The following TPRG1 variants were observed in gnomAD, a reference collection of about 807,000 sequenced individuals.
TPRG1 encodes the protein tumor protein p63 regulated 1, also known as tumor protein p63-regulated gene 1 protein.
A neutral mutation model predicts 29.3 loss-of-function variants in TPRG1; 29 were observed. That is an observed-to-expected ratio of 0.99 (90% CI 0.74 to 1.35). The LOEUF (loss-of-function observed/expected upper bound fraction) is 1.35, where lower values mean the gene tolerates loss of function less well. Ranked by LOEUF, TPRG1 falls within the 40% of genes most tolerant of loss-of-function variation. TPRG1 has a pLI of 0.00. For synonymous variants in TPRG1, 130 were observed against 116.8 expected (o/e 1.11, Z -0.73); for missense variants, 327 against 335.0 (o/e 0.98, Z 0.19).
chr3:189,143,844 C>T (rs976577085), intron 3 of TPRG1, among the ~76,000 whole-genome samples: 1 of 152,130 alleles, frequency 6.6e-6, no homozygotes, highest in African/African-American at 2.4e-5. Context: ...CAGGCTTTTC[C>T]AGTAGGAAAC....
chr3:189,251,445 GAC>G (rs950244464), intron 4 of TPRG1, among the ~76,000 whole-genome samples: 1 of 152,106 alleles, frequency 6.6e-6, no homozygotes, highest in African/African-American at 2.4e-5. Flanking sequence ...AAAAGAAAAA[GAC>G]ACAAAGACAA....
At chr3:189,278,899 G>A (rs1465674530) in intron 4 of TPRG1, among the ~76,000 whole-genome samples, 1 of 152,180 alleles carries the variant, frequency 6.6e-6, no homozygotes, top group Non-Finnish European at 1.5e-5. Flanking sequence ...GCCATTTCCA[G>A]TCCCAAGTAC....
intron 4 of TPRG1, among the ~76,000 whole-genome samples, chr3:189,149,377 T>C (rs1160557026): frequency 6.6e-6 from 1 of 152,198 alleles, no homozygotes; most frequent in Admixed American, 6.5e-5. Context: ...CGAAAGTTGT[T>C]GCTTTCATTC....
rs1560689680 is a variant in TPRG1, at chr3:189,312,182, TTTTTTTCTTTCTTTC to T, written c.633+1647_633+1661del. Among the ~76,000 whole-genome samples, 5 of 47,720 alleles carry T rather than the reference TTTTTTTCTTTCTTTC, an allele frequency of 1.0e-4. No homozygotes were observed. In the East Asian group the frequency reaches 2.7e-3, roughly 26 times the overall value. 31.3% of individuals were successfully genotyped at this position (47,720 alleles called of 152,430 possible). A position where few individuals can be genotyped will look rare whatever the true frequency, so the allele number is the denominator to read the frequency against. ...CTTTCTTTCTTTCTTTCTTTCTTTC[TTTTTTTCTTTCTTTC>T]TTTCTTTCTTTCTTTCTTTCTTAAG... On this transcript the variant is annotated intron_variant, in intron 5 of 5. Coordinates refer to ENST00000345063, the MANE Select transcript of TPRG1 (RefSeq NM_198485.4).
At chr3:189,247,707 T>C (rs983415594) in intron 4 of TPRG1, among the ~76,000 whole-genome samples, 2 of 152,036 alleles carry the variant, frequency 1.3e-5, no homozygotes, top group Non-Finnish European at 2.9e-5. Flanking sequence ...TGGGAATCTA[T>C]GCCTAGTTAC....
rs919042694 is a variant in TPRG1, at chr3:189,320,638, A to T, written c.646A>T (p.Met216Leu). 8.1e-6 allele frequency: 13 copies of T among 1,604,890 alleles called. No individual in the cohort carries two copies. Among genetic ancestry groups the T allele is most frequent in the Non-Finnish European group, 1.0e-5 (12 of 1,176,692 alleles). Residue 216 changes from methionine to leucine, a missense_variant, in exon 6 of 6, where the codon ATG becomes TTG. Coordinates refer to ENST00000345063, the MANE Select transcript of TPRG1 (RefSeq NM_198485.4). ...TTTTCTTCTTCAGTTGTCTGGGTTC[A>T]TGTCTAAGCTTGTTCCAGCTATCCA... ...FLEICKLSGF[M>L]SKLVPAIQNA...
At chr3:189,190,013 T>C (rs1578737595) in intron 1 of TPRG1, among the ~76,000 whole-genome samples, 1 of 152,326 alleles carries the variant, frequency 6.6e-6, no homozygotes, top group East Asian at 1.9e-4. Flanking sequence ...GCTTCTCTCA[T>C]AGTTAACAGG....
At chr3:189,119,586 G>A (rs1472224900) in intron 1 of TPRG1, among the ~76,000 whole-genome samples, 1 of 152,174 alleles carries the variant, frequency 6.6e-6, no homozygotes. Context: ...CTCAGTGGGA[G>A]GTAATGAAAT....
Position 189,203,677 on chromosome 3 carries a change from T to G in TPRG1, c.-9-3699T>G, listed in dbSNP as rs1578803031. On this transcript the variant is annotated intron_variant, in intron 1 of 5. Transcript: ENST00000345063. ...TACTACTCAGAATAAGCAATTAATA[T>G]TGTAGCATTTTGCTTCTTTCAGGTA... Among the ~76,000 whole-genome samples the G allele has an allele frequency of 3.3e-5, 5 of 152,344 alleles. No homozygotes were observed. The South Asian group carries it at 1.0e-3, about 32-fold the overall frequency.
intron 4 of TPRG1, among the ~76,000 whole-genome samples, chr3:189,070,653 AAG>A (rs1716758131): frequency 6.6e-6 from 1 of 152,216 alleles, no homozygotes; most frequent in South Asian, 2.1e-4. Context: ...AAGAGAGAGA[AAG>A]AGAACAATAC....
intron 3 of TPRG1, among the ~76,000 whole-genome samples, chr3:189,016,665 C>T (rs1712950495): frequency 6.6e-6 from 1 of 152,004 alleles, no homozygotes; most frequent in Non-Finnish European, 1.5e-5. Context: ...GGGTGGACTC[C>T]TATCTTGCTA....
Position 189,079,180 on chromosome 3 carries a change from G to A in TPRG1, c.-462-47877G>A, listed in dbSNP as rs187755900. On this transcript the variant is annotated intron_variant, in intron 4 of 10. Coordinates refer to the TPRG1 transcript ENST00000433971. ...GGTGCCAGCCTCCTTTTAATAGCTA[G>A]ATCTCATTGGAACTAATACAGTGAG... 2.1e-3 allele frequency among the ~76,000 whole-genome samples: 326 copies of A among 152,250 alleles called. 1 individual carries two copies. The highest frequency in any genetic ancestry group is 0.015 in the South Asian group (72 of 4,818).
At chr3:189,314,520 A>T (rs78605228) in intron 5 of TPRG1, among the ~76,000 whole-genome samples, 1 of 152,148 alleles carries the variant, frequency 6.6e-6, no homozygotes, top group African/African-American at 2.4e-5. Flanking sequence ...CCACTTCCAC[A>T]TCTGGCAGAT....
chr3:189,164,597 G>T (rs563033746), intron 5 of TPRG1, among the ~76,000 whole-genome samples: 4 of 120,046 alleles, frequency 3.3e-5, no homozygotes, highest in Admixed American at 2.5e-4. Flanking sequence ...TTTGAAAATT[G>T]AAATAAGCTA....
intron 4 of TPRG1, among the ~76,000 whole-genome samples, chr3:189,070,622 T>C (rs933391345): frequency 6.6e-6 from 1 of 152,150 alleles, no homozygotes; most frequent in Non-Finnish European, 1.5e-5. Context: ...CAATAAAAAT[T>C]TAAATCAACG....
At position 189,223,454 on chromosome 3, in the gene TPRG1, T is replaced by C. The variant is rs534124619; in HGVS notation, c.302+8071T>C. 1.3e-3 allele frequency among the ~76,000 whole-genome samples: 197 copies of C among 152,352 alleles called. 9 individuals carry two copies. In the South Asian group the frequency reaches 0.04, roughly 31 times the overall value. On this transcript the variant is annotated intron_variant, in intron 3 of 5. Coordinates refer to ENST00000345063, the MANE Select transcript of TPRG1 (RefSeq NM_198485.4). ...GTGGGTGTTTTTGACAACCACTTAA[T>C]TAAACACATTGCTTTTCTCTATAAA...
chr3:189,018,072 G>A (rs1402747342), intron 3 of TPRG1, among the ~76,000 whole-genome samples: 1 of 152,000 alleles, frequency 6.6e-6, no homozygotes, highest in Non-Finnish European at 1.5e-5. Context: ...CTTTTTGATG[G>A]GGTTGTTTGT....
At chr3:189,317,440 C>G (rs904059820) in intron 5 of TPRG1, among the ~76,000 whole-genome samples, 7 of 152,192 alleles carry the variant, frequency 4.6e-5, no homozygotes, top group Non-Finnish European at 8.8e-5. Flanking sequence ...TATGTGAGCA[C>G]ACAAGTGCAT....
chr3:189,194,366 A>T (rs1315484236), intron 1 of TPRG1, among the ~76,000 whole-genome samples: 7 of 152,178 alleles, frequency 4.6e-5, no homozygotes, highest in African/African-American at 7.2e-5. Context: ...CACAGCCTAC[A>T]AGTAGCTGCA....
Sources: allele counts gnomAD v4.1 joint callset (sites outside exome capture counted in the v4.1 genomes callset), GRCh38; gene constraint gnomAD v4.1.1; transcripts MANE v1.5; gene names NCBI Gene and HGNC (gene_info 2026-07-23, HGNC 2026-07-21).